PCLO: variants seen among roughly 807,000 people sequenced by gnomAD.
PCLO encodes the protein piccolo presynaptic cytomatrix protein.
In PCLO, 82 loss-of-function variants were observed where a neutral mutation model predicts 427.5. That is an observed-to-expected ratio of 0.19 (90% confidence interval 0.16 to 0.23). PCLO has a LOEUF of 0.23. Among genes scored for constraint, PCLO ranks in the 10% least tolerant of loss-of-function variants. The pLI is 1.00. For synonymous variants in PCLO, 2,357 were observed against 2,155.4 expected (o/e 1.09, Z -2.59); for missense variants, 6,239 against 6,115.9 (o/e 1.02, Z -0.67).
chr7:82,823,467 T>A (rs1052806751), intron 19 of PCLO, among the ~76,000 whole-genome samples: 1 of 152,116 alleles, frequency 6.6e-6, no homozygotes, highest in Non-Finnish European at 1.5e-5. Context: ...TACTTACAAA[T>A]AGTTCAGTAT....
rs201906508 is a variant in PCLO, at chr7:82,915,214, A to G, written c.12772T>C (p.Ser4258Pro). The change falls in exon 7 of 25, where the codon TCT becomes CCT. Residue 4258 changes from serine to proline, a missense_variant. Transcript: ENST00000333891. ...GTGCCCAGTCCTGTGCCAAGAGAAGATCCCATAAATTTTTGTTGGTCTGTA... is the reference window on the plus strand; with the variant it reads ...GTGCCCAGTCCTGTGCCAAGAGAAGGTCCCATAAATTTTTGTTGGTCTGTA... ...NITDQQKFMGSSLGTGLGTLG... is the reference protein window; with the variant it reads ...NITDQQKFMGPSLGTGLGTLG... 121 of 1,612,880 alleles carry G rather than the reference A, an allele frequency of 7.5e-5. No homozygotes were observed. The African/African-American group carries it at 1.5e-3, about 20-fold the overall frequency.
Position 82,915,280 on chromosome 7 carries a change from G to C in PCLO, c.12706C>G (p.Leu4236Val). ...CCAAAAGTGATGTCATCTTGAAGGA[G>C]CCTTGCCCTGGAGGAAATGCCACCA... ...SIGGISSRAR[L>V]LQDDITFGLR... Residue 4236 changes from leucine to valine, a missense_variant, in exon 7 of 25, where the codon CTC becomes GTC. This residue lies in a region of PCLO where 680 missense variants were observed against 677.3 expected (regional missense o/e 1.00). Transcript: ENST00000333891. 6.2e-7 allele frequency: 1 copy of C among 1,613,586 alleles called. No homozygotes were observed. Among genetic ancestry groups the C allele is most frequent in the East Asian group, 2.2e-5 (1 of 44,778 alleles).
intron 15 of PCLO, among the ~76,000 whole-genome samples, chr7:82,837,731 T>A (rs560238762): frequency 6.6e-6 from 1 of 152,082 alleles, no homozygotes; most frequent in South Asian, 2.1e-4. Context: ...AATTTTTAAA[T>A]CAGTGATTTG....
chr7:82,993,094 C>T (rs1054325951), intron 3 of PCLO, among the ~76,000 whole-genome samples: 4 of 151,882 alleles, frequency 2.6e-5, no homozygotes, highest in African/African-American at 9.7e-5. Flanking sequence ...AAACTCTAAC[C>T]ACATATTATT....
At chr7:83,084,994 G>A (rs1790195066) in intron 3 of PCLO, among the ~76,000 whole-genome samples, 1 of 152,088 alleles carries the variant, frequency 6.6e-6, no homozygotes, top group Non-Finnish European at 1.5e-5. Flanking sequence ...TAATATACAT[G>A]TGAAACAAAA....
At chr7:82,990,431 C>T (rs1295627485) in intron 3 of PCLO, among the ~76,000 whole-genome samples, 1 of 152,056 alleles carries the variant, frequency 6.6e-6, no homozygotes, top group East Asian at 1.9e-4. Flanking sequence ...GTACTCTCAC[C>T]TTTTATATAC....
chr7:82,850,270 A>G (rs1792616391), intron 10 of PCLO, among the ~76,000 whole-genome samples: 1 of 152,034 alleles, frequency 6.6e-6, no homozygotes, highest in Non-Finnish European at 1.5e-5. Context: ...CAGCCTCCCA[A>G]AGTGCTGGGA....
At chr7:83,023,124 T>C (rs957341875) in intron 3 of PCLO, among the ~76,000 whole-genome samples, 1 of 152,142 alleles carries the variant, frequency 6.6e-6, no homozygotes, top group Non-Finnish European at 1.5e-5. Flanking sequence ...GCAAAATTTG[T>C]CAAAAAAAGT....
chr7:82,870,151 G>A (rs1463793270), intron 10 of PCLO, among the ~76,000 whole-genome samples: 6 of 151,898 alleles, frequency 4.0e-5, no homozygotes, highest in Admixed American at 6.6e-5. Flanking sequence ...TAAGTGAAAA[G>A]AACAAAGCTG....
rs11310184 is a variant in PCLO, at chr7:83,161,233, A to AT, written c.248+1111dup. 1.7e-3 allele frequency among the ~76,000 whole-genome samples: 248 copies of AT among 150,078 alleles called. 1 individual carries two copies. Among genetic ancestry groups the AT allele is most frequent in the Non-Finnish European group, 1.7e-3 (115 of 66,974 alleles). On this transcript the variant is annotated intron_variant, in intron 1 of 24. Transcript: ENST00000333891. Reference sequence around the variant, plus strand: ...TGCTTACGTGATAGTGACTAAGTTAATTTTTTTTTTATTTTATAAAGTGGA... The same window carrying AT: ...TGCTTACGTGATAGTGACTAAGTTAATTTTTTTTTTTATTTTATAAAGTGGA...
In PCLO at chr7:83,134,725, G is replaced by A. The variant is rs370025858; in HGVS notation, c.2825C>T (p.Ala942Val). 9 of 1,613,736 alleles carry A rather than the reference G, an allele frequency of 5.6e-6. No individual in the cohort carries two copies. The highest frequency in any genetic ancestry group is 7.6e-6 in the Non-Finnish European group (9 of 1,179,844). Residue 942 changes from alanine to valine, a missense_variant, in exon 3 of 25, where the codon GCA (alanine) becomes GTA (valine). By Grantham distance (64) the Ala-to-Val change is moderately conservative. Coordinates refer to ENST00000333891, the MANE Select transcript of PCLO (RefSeq NM_033026.6). ...FGFGASIFSQ[A>V]SNLISTAGQP... ...GCCTGCAGTGGAAATTAAATTTGAT[G>A]CCTGGCTGAAGATTGATGCTCCAAA... is the stretch of plus-strand genomic sequence containing the variant.
intron 3 of PCLO, among the ~76,000 whole-genome samples, chr7:83,007,294 G>C (rs1787970102): frequency 6.6e-6 from 1 of 151,490 alleles, no homozygotes; most frequent in Non-Finnish European, 1.5e-5. Flanking sequence ...TGTCTTGAGA[G>C]AACACTTGAA....
rs148454312 is a variant in PCLO at position 83,150,104 on chromosome 7, A to C, written c.1893+4644T>G. Among the ~76,000 whole-genome samples the C allele has an allele frequency of 2.0e-3, 303 of 152,350 alleles. 4 individuals carry two copies. Among genetic ancestry groups the C allele is most frequent in the African/African-American group, 6.4e-3 (267 of 41,582 alleles). ...TCGTTTTCATTTATTATGAAATTTA[A>C]TAAGAGTTGGGAAAATTACCAAACA... On this transcript the variant is annotated intron_variant, in intron 2 of 24. Coordinates refer to ENST00000333891, the MANE Select transcript of PCLO (RefSeq NM_033026.6).
intron 3 of PCLO, among the ~76,000 whole-genome samples, chr7:83,088,602 C>A (rs923629618): frequency 1.3e-5 from 2 of 152,180 alleles, no homozygotes; most frequent in African/African-American, 4.8e-5. Context: ...AGCAACATTA[C>A]TCTGCAAGCC....
At chr7:82,901,920 G>A (rs1794051010) in intron 9 of PCLO, among the ~76,000 whole-genome samples, 1 of 151,322 alleles carries the variant, frequency 6.6e-6, no homozygotes, top group Non-Finnish European at 1.5e-5. Context: ...AAAAAGTCAG[G>A]AAACAACAGG....
chr7:83,099,101 G>T (rs911976589), intron 3 of PCLO, among the ~76,000 whole-genome samples: 6 of 151,536 alleles, frequency 4.0e-5, no homozygotes, highest in Non-Finnish European at 7.4e-5. Flanking sequence ...TTAAATACAA[G>T]TTTAATAGGT....
chr7:83,101,813 T>A (rs1218346960), intron 3 of PCLO, among the ~76,000 whole-genome samples: 1 of 152,104 alleles, frequency 6.6e-6, no homozygotes. Context: ...AGAATCATCC[T>A]CTCCAGAGAT....
At chr7:82,870,302 A>G (rs186192389) in intron 10 of PCLO, among the ~76,000 whole-genome samples, 1 of 152,086 alleles carries the variant, frequency 6.6e-6, no homozygotes, top group Admixed American at 6.6e-5. Flanking sequence ...TACAGCCAAC[A>G]CAGTTTCAAC....
rs551541862 is a variant in PCLO at position 82,781,078 on chromosome 7, TAA to T, written c.15008-19587_15008-19586del. ...AAAACACTAATAAATATTCAACAAATAAGAGAAATAAATAAGCAGTAATTTTG... is the reference window on the plus strand; with the variant it reads ...AAAACACTAATAAATATTCAACAAATGAGAAATAAATAAGCAGTAATTTTG... On this transcript the variant is annotated intron_variant, in intron 22 of 24. Transcript: ENST00000333891. Among the ~76,000 whole-genome samples, 285 of 151,854 alleles carry T rather than the reference TAA, an allele frequency of 1.9e-3. 3 individuals carry two copies. The highest frequency in any genetic ancestry group is 6.4e-3 in the African/African-American group (267 of 41,446).
Sources: gnomAD v4.1 joint callset for allele counts (sites outside exome capture counted in the v4.1 genomes callset) on GRCh38, gnomAD v4.1.1 for gene constraint, gnomAD v4.1.1 regional missense constraint, MANE v1.5 for transcripts, NCBI Gene and HGNC (gene_info 2026-07-23, HGNC 2026-07-21) for gene names.